DLC1: variants seen among roughly 807,000 people sequenced by gnomAD.
DLC1 encodes the protein rho GTPase-activating protein 7.
In DLC1, 54 loss-of-function variants were observed where a neutral mutation model predicts 140.3. That is an observed-to-expected ratio of 0.38 (90% CI 0.31 to 0.48). The LOEUF is 0.48. DLC1 is among the 20% of genes least tolerant of loss of function. DLC1 has a pLI of 0.96. For synonymous variants in DLC1, 986 were observed against 728.1 expected (o/e 1.35, Z -5.70); for missense variants, 2,536 against 1,907.0 (o/e 1.33, Z -6.14).
At chr8:13,526,160 A>C (rs1053328922) in intron 1 of DLC1, among the ~76,000 whole-genome samples, 1 of 152,132 alleles carries the variant, frequency 6.6e-6, no homozygotes, top group African/African-American at 2.4e-5. Flanking sequence ...TCTCTATTCC[A>C]TTCTCTTAAT....
intron 3 of DLC1, among the ~76,000 whole-genome samples, chr8:13,397,578 C>G (rs1331059253): frequency 6.6e-6 from 1 of 151,798 alleles, no homozygotes; most frequent in Non-Finnish European, 1.5e-5. Flanking sequence ...CCTGTCATCT[C>G]AATACATTGG....
intron 2 of DLC1, among the ~76,000 whole-genome samples, chr8:13,442,771 T>C (rs1428053595): frequency 6.6e-6 from 1 of 152,212 alleles, no homozygotes; most frequent in African/African-American, 2.4e-5. Flanking sequence ...GTAAACTAGT[T>C]CAACCATTGT....
intron 2 of DLC1, among the ~76,000 whole-genome samples, chr8:13,443,631 C>T (rs1437014501): frequency 7.4e-6 from 1 of 135,902 alleles, no homozygotes; most frequent in Non-Finnish European, 1.5e-5. Flanking sequence ...GCACTCCAGC[C>T]TAGGCAACAC....
intron 4 of DLC1, among the ~76,000 whole-genome samples, chr8:13,320,685 G>A (rs1204101674): frequency 6.6e-6 from 1 of 152,022 alleles, no homozygotes; most frequent in Non-Finnish European, 1.5e-5. Flanking sequence ...GTGGGGTGAG[G>A]TCTGGTTCTA....
intron 4 of DLC1, among the ~76,000 whole-genome samples, chr8:13,390,996 G>A (rs75051988): frequency 1.1e-3 from 160 of 141,002 alleles, no homozygotes; most frequent in Middle Eastern, 3.7e-3. Flanking sequence ...AAAAAAAAAA[G>A]AAAAAAAAAA....
chr8:13,228,725 C>T (rs954026307), intron 5 of DLC1, among the ~76,000 whole-genome samples: 2 of 152,182 alleles, frequency 1.3e-5, no homozygotes, highest in African/African-American at 4.8e-5. Flanking sequence ...GCCTGTGCAA[C>T]AGAGCAAGAG....
chr8:13,505,903 G>A (rs1802037355), intron 1 of DLC1, among the ~76,000 whole-genome samples: 1 of 152,138 alleles, frequency 6.6e-6, no homozygotes, highest in African/African-American at 2.4e-5. Flanking sequence ...CATTACATTA[G>A]TACATGCACA....
At chr8:13,121,087 T>C (rs1040707058) in intron 5 of DLC1, among the ~76,000 whole-genome samples, 1 of 147,886 alleles carries the variant, frequency 6.8e-6, no homozygotes. Context: ...GTACAGTGAA[T>C]TTTTTTTAAA....
intron 1 of DLC1, among the ~76,000 whole-genome samples, chr8:13,572,857 G>C (rs941282279): frequency 6.6e-6 from 1 of 152,064 alleles, no homozygotes; most frequent in Non-Finnish European, 1.5e-5. Flanking sequence ...CCTTACTCCA[G>C]TACCATAATA....
rs141634752 is a variant in DLC1, at chr8:13,153,723, C to G, written c.1349-38066G>C. On this transcript the variant is annotated intron_variant, in intron 5 of 17. Coordinates refer to ENST00000276297, the MANE Select transcript of DLC1 (RefSeq NM_182643.3). ...GTTCTCCAAGTCCCCACTAGATTAG[C>G]TAGACACAAGGCACTGATTGGTGTG... Among the ~76,000 whole-genome samples the G allele has an allele frequency of 2.7e-3, 415 of 152,190 alleles. 1 individual carries two copies. The highest frequency in any genetic ancestry group is 0.01 in the Middle Eastern group (3 of 294).
chr8:13,406,620 T>A (rs987917603), intron 2 of DLC1, among the ~76,000 whole-genome samples: 2 of 152,170 alleles, frequency 1.3e-5, no homozygotes, highest in African/African-American at 4.8e-5. Context: ...TTATTTCTCA[T>A]ATGACATGTT....
At chr8:13,544,312 A>T (rs1374867719) in intron 1 of DLC1, among the ~76,000 whole-genome samples, 1 of 152,192 alleles carries the variant, frequency 6.6e-6, no homozygotes, top group East Asian at 1.9e-4. Flanking sequence ...TGGAGCAGCC[A>T]AAATAAACAT....
At chr8:13,396,716 C>T (rs375740705) in intron 3 of DLC1, among the ~76,000 whole-genome samples, 1 of 152,128 alleles carries the variant, frequency 6.6e-6, no homozygotes, top group African/African-American at 2.4e-5. Flanking sequence ...TCAAACACAA[C>T]TAAATAAGTA....
intron 4 of DLC1, among the ~76,000 whole-genome samples, chr8:13,309,039 T>C (rs897569829): frequency 6.6e-6 from 1 of 152,138 alleles, no homozygotes; most frequent in African/African-American, 2.4e-5. Context: ...GAATATACAA[T>C]TTAAATAACA....
intron 4 of DLC1, among the ~76,000 whole-genome samples, chr8:13,391,346 C>G (rs1393531968): frequency 6.6e-6 from 1 of 152,158 alleles, no homozygotes; most frequent in Non-Finnish European, 1.5e-5. Flanking sequence ...TCCCAGATGA[C>G]AAGTCACACC....
chr8:13,090,533 C>A, intron 14 of DLC1, 63 bp from the exon 15 acceptor site: 1 of 1,577,452 alleles, frequency 6.3e-7, no homozygotes, highest in Non-Finnish European at 8.6e-7. Flanking sequence ...CAATGCCCAT[C>A]AGTGGAAAAG....
intron 1 of DLC1, among the ~76,000 whole-genome samples, chr8:13,565,651 T>C (rs1470368071): frequency 6.6e-6 from 1 of 152,158 alleles, no homozygotes; most frequent in African/African-American, 2.4e-5. Flanking sequence ...GGAATATATC[T>C]GGCTAGACCT....
intron 5 of DLC1, among the ~76,000 whole-genome samples, chr8:13,196,307 A>G (rs1043651385): frequency 6.6e-6 from 1 of 152,254 alleles, no homozygotes; most frequent in East Asian, 1.9e-4. Flanking sequence ...TCTGGATACA[A>G]GAAGAAAAAA....
rs1324200297 is a variant in DLC1, at chr8:13,084,486, A to C, written c.*1325T>G. On this transcript the variant is annotated 3_prime_UTR_variant, in exon 18 of 18. Coordinates refer to ENST00000276297, the MANE Select transcript of DLC1 (RefSeq NM_182643.3). ...TTACCATTACAGTAAAACCTGAATA[A>C]AGACCACCCTTCTAAAGGTTCTAAA... 1 of 152,608 alleles carries C rather than the reference A, an allele frequency of 6.6e-6. No individual in the cohort carries two copies. Among genetic ancestry groups the C allele is most frequent in the African/African-American group, 2.4e-5 (1 of 41,444 alleles). 9.5% of individuals were successfully genotyped at this position (152,608 alleles called of 1,614,324 possible). A position where few individuals can be genotyped will look rare whatever the true frequency, so the allele number is the denominator to read the frequency against.
Sources: gnomAD v4.1 joint callset for allele counts (sites outside exome capture counted in the v4.1 genomes callset) on GRCh38, gnomAD v4.1.1 for gene constraint, MANE v1.5 for transcripts, NCBI Gene and HGNC (gene_info 2026-07-23, HGNC 2026-07-21) for gene names.